DCAF12: variants seen among roughly 807,000 people sequenced by gnomAD.
The protein encoded by DCAF12 is DDB1- and CUL4-associated factor 12.
DCAF12 carries 28 observed loss-of-function variants against 52.8 expected under a neutral mutation model. The observed-to-expected ratio is 0.53, with a 90% confidence interval of 0.39 to 0.73. The LOEUF is 0.73. DCAF12 is among the 30% of genes least tolerant of loss of function. The pLI is 0.00. For missense variants in DCAF12, 425 were observed against 552.2 expected (o/e 0.77, Z 2.31); for synonymous variants, 196 against 215.5 (o/e 0.91, Z 0.79).
Position 34,125,093 on chromosome 9 carries a change from G to T in DCAF12, c.263C>A (p.Thr88Asn), listed in dbSNP as rs761232516. Residue 88 changes from threonine to asparagine, a missense_variant, in exon 2 of 9, where the codon ACC becomes AAC. Physicochemically the swap from Thr to Asn is moderately conservative, Grantham distance 65 (BLOSUM62 0). Transcript: ENST00000361264. The part of the protein sequence containing the change: ...LLKEREFHLG[T>N]LNKVFASQWL... Reference sequence around the variant, plus strand: ...CTGAGATGCAAACACTTTATTAAGGGTCCCAAGGTGAAACTCTCTCTCCTT... The same window carrying T: ...CTGAGATGCAAACACTTTATTAAGGTTCCCAAGGTGAAACTCTCTCTCCTT... The T allele has an allele frequency of 2.3e-5, 37 of 1,613,954 alleles. 2 individuals are homozygous for T. In the South Asian group the frequency reaches 3.8e-4, roughly 17 times the overall value.
At chr9:34,112,562 C>T (rs564599565) in intron 2 of DCAF12, among the ~76,000 whole-genome samples, 1 of 151,682 alleles carries the variant, frequency 6.6e-6, no homozygotes, top group South Asian at 2.1e-4. Context: ...CCACTGCACT[C>T]CAGCCTGGGC....
rs1419830784 is a variant in DCAF12, at chr9:34,126,461, C to A, written c.-30G>T. 1.3e-6 allele frequency: 2 copies of A among 1,597,588 alleles called. No individual in the cohort carries two copies. Among genetic ancestry groups the A allele is most frequent in the African/African-American group, 1.3e-5 (1 of 74,972 alleles). ...GGCAGCGCCGCCGCGGCCCCGCAGCCACATGGGGCGGGGGAAGCGAAGGAT... is the reference window on the plus strand; with the variant it reads ...GGCAGCGCCGCCGCGGCCCCGCAGCAACATGGGGCGGGGGAAGCGAAGGAT... On this transcript the variant is annotated 5_prime_UTR_variant, in exon 1 of 9. Transcript: ENST00000361264.
chr9:34,122,003 A>G (rs1563864211), intron 2 of DCAF12, among the ~76,000 whole-genome samples: 1 of 152,046 alleles, frequency 6.6e-6, no homozygotes, highest in African/African-American at 2.4e-5. Flanking sequence ...TCTTTTCTGT[A>G]TTCTCCCGGT....
At position 34,088,184 on chromosome 9, in the gene DCAF12, G is replaced by C. The variant is rs1828588854; in HGVS notation, c.*166C>G. ...AAAACAAAAAGCAAAACAACTTTCAGATTTCTGTACAGAGCTTCTTCCTAT... is the reference window on the plus strand; with the variant it reads ...AAAACAAAAAGCAAAACAACTTTCACATTTCTGTACAGAGCTTCTTCCTAT... On this transcript the variant is annotated 3_prime_UTR_variant, in exon 9 of 9. Transcript: ENST00000361264. 1.7e-6 allele frequency: 1 copy of C among 600,678 alleles called. No homozygotes were observed. Among genetic ancestry groups the C allele is most frequent in the Non-Finnish European group, 2.6e-6 (1 of 387,164 alleles). 37.2% of individuals were successfully genotyped at this position (600,678 alleles called of 1,614,324 possible). A position where few individuals can be genotyped will look rare whatever the true frequency, so the allele number is the denominator to read the frequency against.
intron 1 of DCAF12, 63 bp downstream of exon 1, chr9:34,126,291 G>A: frequency 6.3e-7 from 1 of 1,585,272 alleles, no homozygotes; most frequent in Non-Finnish European, 8.6e-7. Flanking sequence ...CAGGATCTGC[G>A]GACCCTAAGC....
At chr9:34,099,524 G>A (rs894417655) in intron 4 of DCAF12, among the ~76,000 whole-genome samples, 2 of 151,524 alleles carry the variant, frequency 1.3e-5, no homozygotes, top group Non-Finnish European at 2.9e-5. Context: ...GAGCCACCGC[G>A]CCTTACTCGA....
intron 2 of DCAF12, among the ~76,000 whole-genome samples, chr9:34,119,700 C>CG (rs976232479): frequency 8.1e-6 from 1 of 123,728 alleles, no homozygotes; most frequent in Non-Finnish European, 1.7e-5. Context: ...TGTACTTTTG[C>CG]GGTTTTTTTT....
chr9:34,088,931 G>A (rs556759148), intron 8 of DCAF12, among the ~76,000 whole-genome samples: 6 of 151,800 alleles, frequency 4.0e-5, no homozygotes, highest in South Asian at 2.1e-4. Flanking sequence ...GCAACATGGC[G>A]AGACCCCATC....
intron 4 of DCAF12, among the ~76,000 whole-genome samples, chr9:34,099,417 A>C (rs959030557): frequency 6.6e-6 from 1 of 151,746 alleles, no homozygotes; most frequent in African/African-American, 2.4e-5. Context: ...TTTTTAGTAG[A>C]GATTGGGTTT....
chr9:34,102,285 A>G (rs1828840788), intron 4 of DCAF12, among the ~76,000 whole-genome samples: 1 of 149,550 alleles, frequency 6.7e-6, no homozygotes, highest in Admixed American at 6.7e-5. Context: ...CCTGCCTCCA[A>G]AAAAAAAAAG....
In DCAF12 at chr9:34,088,240, G is replaced by C. The variant is rs967901824; in HGVS notation, c.*110C>G. ...GCCTAAACTATAGGCAAACTTTGGTGTTCCCACTAAAACACAAGAGCCTCA... is the reference window on the plus strand; with the variant it reads ...GCCTAAACTATAGGCAAACTTTGGTCTTCCCACTAAAACACAAGAGCCTCA... On this transcript the variant is annotated 3_prime_UTR_variant, in exon 9 of 9. Coordinates refer to ENST00000361264, the MANE Select transcript of DCAF12 (RefSeq NM_015397.4). 8.0e-7 allele frequency: 1 copy of C among 1,250,840 alleles called. No individual in the cohort carries two copies. The highest frequency in any genetic ancestry group is 1.1e-6 in the Non-Finnish European group (1 of 922,506). The allele number at this position is 1,250,840 out of a possible 1,614,324, so 77.5% of individuals were successfully genotyped here.
intron 1 of DCAF12, chr9:34,125,586 G>C (rs757400995): frequency 4.0e-6 from 2 of 499,140 alleles, no homozygotes; most frequent in South Asian, 3.1e-5. Context: ...GGAAATGAGA[G>C]GTAGAGTGAT....
chr9:34,120,040 A>G lies in DCAF12; in HGVS notation c.333+4983T>C, dbSNP rs904240935. Among the ~76,000 whole-genome samples the G allele has an allele frequency of 2.0e-5, 3 of 151,508 alleles. No individual in the cohort carries two copies. In the Admixed American group the frequency reaches 2.0e-4, roughly 10 times the overall value. On this transcript the variant is annotated intron_variant, in intron 2 of 8. Coordinates refer to ENST00000361264, the MANE Select transcript of DCAF12 (RefSeq NM_015397.4). ...CAACATGGTGAACCCTGTCTCTACTAAAAAACAAAAAAATTAGCCGGGCTT... is the reference window on the plus strand; with the variant it reads ...CAACATGGTGAACCCTGTCTCTACTGAAAAACAAAAAAATTAGCCGGGCTT...
intron 2 of DCAF12, among the ~76,000 whole-genome samples, chr9:34,114,194 C>G (rs547440086): frequency 2.7e-4 from 41 of 152,224 alleles, no homozygotes; most frequent in African/African-American, 7.5e-4. Context: ...ATGGATGAAC[C>G]TAGAGGACAT....
At position 34,126,652 on chromosome 9, in the gene DCAF12, G is replaced by A. The variant is rs1007561931; in HGVS notation, c.-221C>T. The A allele has an allele frequency of 3.4e-6, 2 of 584,842 alleles. No individual in the cohort carries two copies. The highest frequency in any genetic ancestry group is 1.9e-5 in the African/African-American group (1 of 52,588). The allele number at this position is 584,842 out of a possible 1,614,324, so 36.2% of individuals were successfully genotyped here. On this transcript the variant is annotated 5_prime_UTR_variant, in exon 1 of 9. Transcript: ENST00000361264. ...GAAAGGGAAGGGGAAGCGAGAATGA[G>A]CGGCTTTCCGACGGCAGAGCCTGCA... is the stretch of plus-strand genomic sequence containing the variant.
Position 34,126,441 on chromosome 9 carries a change from C to T in DCAF12, c.-10G>A. ...CTACTTTCCGGGCCATAGTGGGCAG[C>T]GCCGCCGCGGCCCCGCAGCCACATG... On this transcript the variant is annotated 5_prime_UTR_variant, in exon 1 of 9. Coordinates refer to ENST00000361264, the MANE Select transcript of DCAF12 (RefSeq NM_015397.4). 1 of 1,602,946 alleles carries T rather than the reference C, an allele frequency of 6.2e-7. No homozygotes were observed. The highest frequency in any genetic ancestry group is 8.5e-7 in the Non-Finnish European group (1 of 1,178,808).
chr9:34,107,886 TTC>T (rs1372237033), intron 2 of DCAF12, among the ~76,000 whole-genome samples: 1 of 152,230 alleles, frequency 6.6e-6, no homozygotes, highest in Non-Finnish European at 1.5e-5. Flanking sequence ...CAACACAGTT[TTC>T]TGTCAGTTTG....
At chr9:34,117,945 T>C (rs1372888273) in intron 2 of DCAF12, among the ~76,000 whole-genome samples, 1 of 152,080 alleles carries the variant, frequency 6.6e-6, no homozygotes, top group African/African-American at 2.4e-5. Context: ...AAATTATTCT[T>C]GGACTGTTAA....
rs149964872 is a variant in DCAF12 at position 34,093,320 on chromosome 9, G to A, written c.990C>T (p.Asn330=). ...SFLDPRQPSY[N]VKSVCSRERG... is the part of the protein sequence containing the mutation. The stretch of plus-strand genomic sequence containing the variant: ...GCTCCCTGGAACAGACAGACTTGAC[G>A]TTGTATGATGGCTGCCGTGGATCCA... Residue 330 remains asparagine (N), a synonymous_variant, in exon 7 of 9, where the codon AAC becomes AAT. Transcript: ENST00000361264. 1.4e-5 allele frequency: 23 copies of A among 1,614,096 alleles called. No individual in the cohort carries two copies. Among genetic ancestry groups the A allele is most frequent in the East Asian group, 2.2e-5 (1 of 44,900 alleles).
Sources: allele counts gnomAD v4.1 joint callset (sites outside exome capture counted in the v4.1 genomes callset), GRCh38; gene constraint gnomAD v4.1.1; transcripts MANE v1.5; gene names NCBI Gene and HGNC (gene_info 2026-07-23, HGNC 2026-07-21).